The following SUPT4H1 variants were observed in gnomAD, a reference collection of about 807,000 sequenced individuals.
SUPT4H1 encodes SPT4 homolog, DSIF elongation factor subunit.
SUPT4H1 carries 12 observed loss-of-function variants against 19.4 expected under a neutral mutation model. The observed-to-expected ratio is 0.62, with a 90% CI of 0.40 to 1.00. The LOEUF (loss-of-function observed/expected upper bound fraction) is 1.00. Among genes scored for constraint, SUPT4H1 ranks in the 50% least tolerant of loss-of-function variants. SUPT4H1 has a pLI of 0.00. For synonymous variants in SUPT4H1, 58 were observed against 56.3 expected, an observed-to-expected ratio of 1.03 and a Z score of -0.14; for missense variants, 115 against 149.2, an observed-to-expected ratio of 0.77 and a Z score of 1.19.
chr17:58,351,846 G>C lies in SUPT4H1; in HGVS notation c.69+221C>G, dbSNP rs574664282. ...ACGTAAGTTCACCGAACGTCTAAGAGCTGAGGATTCAAAGGCATGTAAGAC... is the reference window on the plus strand; with the variant it reads ...ACGTAAGTTCACCGAACGTCTAAGACCTGAGGATTCAAAGGCATGTAAGAC... On this transcript the variant is annotated intron_variant, in intron 1 of 4. Coordinates refer to ENST00000225504, the MANE Select transcript of SUPT4H1 (RefSeq NM_003168.3). The C allele has an allele frequency of 5.1e-6, 3 of 593,760 alleles. No homozygotes were observed. In the East Asian group the frequency reaches 8.6e-5, roughly 17 times the overall value. The allele number at this position is 593,760 out of a possible 1,614,324, so 36.8% of individuals were successfully genotyped here.
At position 58,352,160 on chromosome 17, in the gene SUPT4H1, G is replaced by A. The variant is rs1972553297; in HGVS notation, c.-25C>T. On this transcript the variant is annotated 5_prime_UTR_variant, in exon 1 of 5. Coordinates refer to ENST00000225504, the MANE Select transcript of SUPT4H1 (RefSeq NM_003168.3). ...TCTTCGCCGATGGGAAGAACAACAG[G>A]GAGATAGACGACCACAGCCTGTGCA... is the stretch of plus-strand genomic sequence containing the variant. 4.3e-6 allele frequency: 7 copies of A among 1,612,478 alleles called. No homozygotes were observed. The South Asian group carries it at 5.5e-5, about 13-fold the overall frequency.
chr17:58,347,075 C>G, intron 4 of SUPT4H1, 113 bp downstream of exon 4: 7 of 1,048,452 alleles, frequency 6.7e-6, no homozygotes, highest in Admixed American at 1.9e-5. Context: ...CTGGTTCCCC[C>G]CATCTGTAAA....
In SUPT4H1 at chr17:58,351,443, G is replaced by A. The variant is rs141480962; in HGVS notation, c.135C>T (p.Asn45=). Residue 45 remains asparagine, a synonymous_variant, in exon 2 of 5, where the codon AAC becomes AAT. Coordinates refer to ENST00000225504, the MANE Select transcript of SUPT4H1 (RefSeq NM_003168.3). ...TAGTGCAGTCATATACCATCTCTCGGTTACCCTTCATTTGTAGATATGCAT... is the reference window on the plus strand; with the variant it reads ...TAGTGCAGTCATATACCATCTCTCGATTACCCTTCATTTGTAGATATGCAT... The part of the protein sequence containing the change: ...NCDAYLQMKG[N]REMVYDCTSS... 2.0e-4 allele frequency: 317 copies of A among 1,613,928 alleles called. 3 individuals carry two copies. The East Asian group carries it at 6.7e-3, about 34-fold the overall frequency.
rs1445149244 is a variant in SUPT4H1 at position 58,345,615 on chromosome 17, T to G, written c.*631A>C. 1.3e-5 allele frequency: 2 copies of G among 152,156 alleles called. No individual in the cohort carries two copies. The highest frequency in any genetic ancestry group is 3.9e-4 in the East Asian group (2 of 5,186). The allele number at this position is 152,156 out of a possible 1,614,324, so 9.4% of individuals were successfully genotyped here. A position where few individuals can be genotyped will look rare whatever the true frequency, so the allele number is the denominator to read the frequency against. Reference sequence around the variant, plus strand: ...GGGAGGGAAGAATTATTAAACATGGTCAAGGAGCACTCTACAAAGCCTCAG... The same window carrying G: ...GGGAGGGAAGAATTATTAAACATGGGCAAGGAGCACTCTACAAAGCCTCAG... On this transcript the variant is annotated 3_prime_UTR_variant, in exon 5 of 5. Transcript: ENST00000225504.
chr17:58,347,363 A>G (rs1972330098), intron 3 of SUPT4H1, 122 bp from the exon 4 acceptor site: 9 of 1,355,720 alleles, frequency 6.6e-6, no homozygotes, highest in African/African-American at 1.4e-5. Context: ...TCTTTTGGCT[A>G]CAAGTGTTAA....
chr17:58,345,869 T>G lies in SUPT4H1; in HGVS notation c.*377A>C, dbSNP rs368583016. 1 of 186,054 alleles carries G rather than the reference T, an allele frequency of 5.4e-6. No individual in the cohort carries two copies. Among genetic ancestry groups the G allele is most frequent in the Non-Finnish European group, 1.1e-5 (1 of 87,816 alleles). 11.5% of individuals were successfully genotyped at this position (186,054 alleles called of 1,614,324 possible). ...AGGTTCTTATAGGGCAAATAAGCTA[T>G]TACTGTGCCTAAGAGAATGGAAGAG... On this transcript the variant is annotated 3_prime_UTR_variant, in exon 5 of 5. Transcript: ENST00000225504.
Position 58,352,068 on chromosome 17 carries a change from T to C in SUPT4H1, c.68A>G (p.Lys23Arg). 2 of 1,614,112 alleles carry C rather than the reference T, an allele frequency of 1.2e-6. No individual in the cohort carries two copies. Among genetic ancestry groups the C allele is most frequent in the African/African-American group, 1.3e-5 (1 of 75,028 alleles). The change falls in exon 1 of 5, where the codon AAG becomes AGG. Residue 23 changes from lysine (K) to arginine (R), a missense_variant and splice_region_variant. Coordinates refer to ENST00000225504, the MANE Select transcript of SUPT4H1 (RefSeq NM_003168.3). ...LRACLLCSLV[K>R]TIDQFEYDGC... ...TACAACCAGGTCCCCGACTGACACC[T>C]TGACCAGCGAACACAGCAAACAGGC...
chr17:58,348,025 C>A (rs753975770), intron 2 of SUPT4H1, among the ~76,000 whole-genome samples: 1 of 152,174 alleles, frequency 6.6e-6, no homozygotes, highest in Non-Finnish European at 1.5e-5. Context: ...CATATGGGGA[C>A]CCCTCTAATG....
Position 58,347,481 on chromosome 17 carries a change from C to T in SUPT4H1, c.232+48G>A, listed in dbSNP as rs528400230. On this transcript the variant is annotated intron_variant, in intron 3 of 4. Coordinates refer to ENST00000225504, the MANE Select transcript of SUPT4H1 (RefSeq NM_003168.3). ...GAGACTCCCTAATGGACCTGAGGAA[C>T]AGTAACAACACTACAACTAAGCCAA... 100 of 1,606,416 alleles carry T rather than the reference C, an allele frequency of 6.2e-5. No homozygotes were observed. The South Asian group carries it at 8.0e-4, about 13-fold the overall frequency.
At position 58,346,609 on chromosome 17, in the gene SUPT4H1, G is replaced by A. The variant is rs1421387108; in HGVS notation, c.287-296C>T. 2.0e-5 allele frequency among the ~76,000 whole-genome samples: 3 copies of A among 150,338 alleles called. No homozygotes were observed. The Admixed American group carries it at 2.0e-4, about 10-fold the overall frequency. ...GTAGTGGCTTGCACCTGTAGTGCCA[G>A]CTATTTGGGAGGCTGAGGCGGGAGG... is the stretch of plus-strand genomic sequence containing the variant. On this transcript the variant is annotated intron_variant, in intron 4 of 4. Coordinates refer to ENST00000225504, the MANE Select transcript of SUPT4H1 (RefSeq NM_003168.3).
chr17:58,346,171 T>C lies in SUPT4H1; in HGVS notation c.*75A>G. 1.6e-6 allele frequency: 2 copies of C among 1,222,808 alleles called. No individual in the cohort carries two copies. The highest frequency in any genetic ancestry group is 2.4e-6 in the Non-Finnish European group (2 of 825,186). 75.7% of individuals were successfully genotyped at this position (1,222,808 alleles called of 1,614,324 possible). ...AGGGTAGGAAGTATTTGAAGTTCTGTTCATTTAGTTCCAGAACAAGAAATA... is the reference window on the plus strand; with the variant it reads ...AGGGTAGGAAGTATTTGAAGTTCTGCTCATTTAGTTCCAGAACAAGAAATA... On this transcript the variant is annotated 3_prime_UTR_variant, in exon 5 of 5. Coordinates refer to ENST00000225504, the MANE Select transcript of SUPT4H1 (RefSeq NM_003168.3).
intron 2 of SUPT4H1, among the ~76,000 whole-genome samples, chr17:58,349,886 G>T (rs571912088): frequency 1.3e-5 from 2 of 152,214 alleles, no homozygotes; most frequent in Non-Finnish European, 2.9e-5. Context: ...AGGAGAGAAC[G>T]AGGAGCTAGT....
At chr17:58,347,967 C>T (rs1294844936) in intron 2 of SUPT4H1, among the ~76,000 whole-genome samples, 1 of 152,196 alleles carries the variant, frequency 6.6e-6, no homozygotes, top group East Asian at 1.9e-4. Context: ...GATCCTCCTA[C>T]TAGAAAGGAG....
In SUPT4H1 at chr17:58,345,930, C is replaced by G; in HGVS notation, c.*316G>C. ...CAGGTGTCATGGCCTTCAGAACTTT[C>G]TCGAGGTTCATATTTATTGACATTT... On this transcript the variant is annotated 3_prime_UTR_variant, in exon 5 of 5. Coordinates refer to ENST00000225504, the MANE Select transcript of SUPT4H1 (RefSeq NM_003168.3). 3.8e-6 allele frequency: 1 copy of G among 261,572 alleles called. No individual in the cohort carries two copies. Among genetic ancestry groups the G allele is most frequent in the East Asian group, 9.6e-5 (1 of 10,410 alleles). 16.2% of individuals were successfully genotyped at this position (261,572 alleles called of 1,614,324 possible). A position where few individuals can be genotyped will look rare whatever the true frequency, so the allele number is the denominator to read the frequency against.
intron 2 of SUPT4H1, among the ~76,000 whole-genome samples, chr17:58,350,457 G>A (rs1171061896): frequency 6.6e-6 from 1 of 151,882 alleles, no homozygotes; most frequent in East Asian, 1.9e-4. Flanking sequence ...GTTGCAGTGA[G>A]CCGAGATTGC....
rs1379704549 is a variant in SUPT4H1, at chr17:58,348,195, CTG to C, written c.177-613_177-612del. ...TATCCTAATAGTCCTTCCCAGGTAGCTGTGATTCCAGAGGAATGGTAAGGCTA... is the reference window on the plus strand; with the variant it reads ...TATCCTAATAGTCCTTCCCAGGTAGCTGATTCCAGAGGAATGGTAAGGCTA... On this transcript the variant is annotated intron_variant, in intron 2 of 4. Transcript: ENST00000225504. Among the ~76,000 whole-genome samples, 7 of 152,326 alleles carry C rather than the reference CTG, an allele frequency of 4.6e-5. No homozygotes were observed. The East Asian group carries it at 1.2e-3, about 25-fold the overall frequency.
In SUPT4H1 at chr17:58,346,304, C is replaced by T. The variant is rs1234668354; in HGVS notation, c.296G>A (p.Arg99Gln). 1.9e-6 allele frequency: 3 copies of T among 1,613,780 alleles called. No individual in the cohort carries two copies. The highest frequency in any genetic ancestry group is 2.5e-6 in the Non-Finnish European group (3 of 1,179,896). The change falls in exon 5 of 5, where the codon CGG (arginine) becomes CAG (glutamine). Residue 99 changes from arginine to glutamine, a missense_variant. Arg to Gln is a conservative substitution (Grantham distance 43, BLOSUM62 1). Transcript: ENST00000225504. ...GGCCACTCCTCGACTTTTCAGCTCC[C>T]GCACGATTCCTGAAGCAGGAAAAGA... ...VTGRLPQGIVRELKSRGVAYK... is the reference protein window; with the variant it reads ...VTGRLPQGIVQELKSRGVAYK...
At position 58,352,093 on chromosome 17, in the gene SUPT4H1, C is replaced by A; in HGVS notation, c.43G>T (p.Ala15Ser). Reference sequence around the variant, plus strand: ...TTGACCAGCGAACACAGCAAACAGGCCCGCAGATGCCGCAGGTCCTTCGGC... The same window carrying A: ...TTGACCAGCGAACACAGCAAACAGGACCGCAGATGCCGCAGGTCCTTCGGC... ...TVPKDLRHLRACLLCSLVKTI... is the reference protein window; with the variant it reads ...TVPKDLRHLRSCLLCSLVKTI... Residue 15 changes from alanine (A) to serine (S), a missense_variant, in exon 1 of 5, where the codon GCC becomes TCC. Coordinates refer to ENST00000225504, the MANE Select transcript of SUPT4H1 (RefSeq NM_003168.3). 1 of 1,614,216 alleles carries A rather than the reference C, an allele frequency of 6.2e-7. No individual in the cohort carries two copies. Among genetic ancestry groups the A allele is most frequent in the Non-Finnish European group, 8.5e-7 (1 of 1,180,030 alleles).
chr17:58,352,170 G>A lies in SUPT4H1; in HGVS notation c.-35C>T, dbSNP rs575899533. The A allele has an allele frequency of 1.4e-5, 22 of 1,605,786 alleles. 1 individual carries two copies. The highest frequency in any genetic ancestry group is 1.3e-4 in the East Asian group (6 of 44,780). On this transcript the variant is annotated 5_prime_UTR_variant, in exon 1 of 5. Coordinates refer to ENST00000225504, the MANE Select transcript of SUPT4H1 (RefSeq NM_003168.3). ...TGGGAAGAACAACAGGGAGATAGAC[G>A]ACCACAGCCTGTGCACCCGCAGGAA...
Sources: allele counts gnomAD v4.1 joint callset (sites outside exome capture counted in the v4.1 genomes callset), GRCh38; gene constraint gnomAD v4.1.1; transcripts MANE v1.5; gene names NCBI Gene and HGNC (gene_info 2026-07-23, HGNC 2026-07-21).